NSRP1: variants seen among roughly 807,000 people sequenced by gnomAD.
The protein encoded by NSRP1 is nuclear speckle splicing regulatory protein 1, also known as coiled-coil domain containing 55.
In NSRP1, 24 loss-of-function variants were observed where a neutral mutation model predicts 54.7. The observed-to-expected ratio is 0.44, with a 90% CI of 0.32 to 0.62. The LOEUF is 0.62. NSRP1 is among the 20% of genes least tolerant of loss of function. NSRP1 has a pLI of 0.06. For synonymous variants in NSRP1, 210 were observed against 213.8 expected (o/e 0.98, Z 0.15); for missense variants, 596 against 651.2 (o/e 0.92, Z 0.92).
At chr17:30,154,858 T>G (rs1160478282) in intron 2 of NSRP1, among the ~76,000 whole-genome samples, 1 of 152,218 alleles carries the variant, frequency 6.6e-6, no homozygotes. Context: ...AAATGCTTCT[T>G]TGAGCATACT....
chr17:30,117,409 G>A, intron 1 of NSRP1: 1 of 459,762 alleles, frequency 2.2e-6, no homozygotes, highest in East Asian at 3.3e-5. Context: ...TTTTACCTTT[G>A]ATGTGTAATC....
intron 3 of NSRP1, 72 bp downstream of exon 3, chr17:30,172,670 T>C: frequency 7.9e-7 from 1 of 1,260,136 alleles, no homozygotes; most frequent in Non-Finnish European, 1.1e-6. Context: ...AGTTTTGGTA[T>C]CTAGGTGCTG....
At chr17:30,163,493 A>AT (rs935433236) in intron 2 of NSRP1, among the ~76,000 whole-genome samples, 9 of 151,986 alleles carry the variant, frequency 5.9e-5, no homozygotes, top group African/African-American at 2.2e-4. Flanking sequence ...AACGGTAAAG[A>AT]TTTTTTATTT....
intron 2 of NSRP1, among the ~76,000 whole-genome samples, chr17:30,127,157 A>T (rs993610404): frequency 1.3e-5 from 2 of 152,342 alleles, no homozygotes; most frequent in Non-Finnish European, 2.9e-5. Context: ...GATTGTTCTC[A>T]AAAGTATTTT....
intron 2 of NSRP1, among the ~76,000 whole-genome samples, chr17:30,143,094 T>C (rs2071821018): frequency 6.6e-6 from 1 of 152,206 alleles, no homozygotes; most frequent in Admixed American, 6.5e-5. Context: ...TGCTTCCATA[T>C]ACTGACAGGC....
At chr17:30,177,913 C>A in intron 3 of NSRP1, 158 bp from the exon 4 acceptor site, 1 of 847,280 alleles carries the variant, frequency 1.2e-6, no homozygotes, top group Non-Finnish European at 1.9e-6. Context: ...CATACCCAGG[C>A]AGCCTGGCTC....
intron 2 of NSRP1, among the ~76,000 whole-genome samples, chr17:30,152,423 ATTTT>A (rs200742872): frequency 7.6e-6 from 1 of 132,130 alleles, no homozygotes; most frequent in Admixed American, 7.7e-5. Flanking sequence ...CAGCCTAAGA[ATTTT>A]TTTTTTTTTT....
intron 2 of NSRP1, among the ~76,000 whole-genome samples, chr17:30,151,522 G>A (rs548621546): frequency 6.6e-6 from 1 of 152,266 alleles, no homozygotes; most frequent in African/African-American, 2.4e-5. Flanking sequence ...TATTTATTAA[G>A]TAGAAGTGGA....
At chr17:30,126,415 A>G (rs1053360800) in intron 2 of NSRP1, among the ~76,000 whole-genome samples, 5 of 152,116 alleles carry the variant, frequency 3.3e-5, no homozygotes, top group African/African-American at 9.7e-5. Flanking sequence ...CTTTCAAGAT[A>G]CCTTCTTTGA....
chr17:30,180,777 T>C lies in NSRP1; in HGVS notation c.509-131T>C, dbSNP rs1905265649. ...ATGAAAACAGGCAACAGGCCAGATT[T>C]GGCCTGCAGTTTGCCAACTCCTGAT... On this transcript the variant is annotated intron_variant, in intron 5 of 6. Coordinates refer to ENST00000247026, the MANE Select transcript of NSRP1 (RefSeq NM_032141.4). 10 of 586,230 alleles carry C rather than the reference T, an allele frequency of 1.7e-5. No homozygotes were observed. The South Asian group carries it at 2.2e-4, about 13-fold the overall frequency. The allele number at this position is 586,230 out of a possible 1,614,324, so 36.3% of individuals were successfully genotyped here.
At chr17:30,175,421 T>C (rs1202162816) in intron 3 of NSRP1, among the ~76,000 whole-genome samples, 1 of 152,002 alleles carries the variant, frequency 6.6e-6, no homozygotes, top group Non-Finnish European at 1.5e-5. Context: ...TTTTGTTTTG[T>C]TTTGTTTTGT....
intron 2 of NSRP1, among the ~76,000 whole-genome samples, chr17:30,139,265 G>A (rs1334080608): frequency 6.6e-6 from 1 of 151,954 alleles, no homozygotes; most frequent in African/African-American, 2.4e-5. Flanking sequence ...TGAGTTGTAG[G>A]AGTTCTTTTT....
At chr17:30,135,754 G>A (rs1015649902) in intron 2 of NSRP1, among the ~76,000 whole-genome samples, 1 of 151,956 alleles carries the variant, frequency 6.6e-6, no homozygotes, top group Admixed American at 6.6e-5. Context: ...ACAGGCGTGA[G>A]CCACCATGCC....
intron 2 of NSRP1, among the ~76,000 whole-genome samples, chr17:30,137,677 A>G (rs2071762242): frequency 6.6e-6 from 1 of 152,238 alleles, no homozygotes; most frequent in Admixed American, 6.5e-5. Flanking sequence ...CATTTTAATT[A>G]GGGATTGAAT....
At chr17:30,176,499 A>G (rs1905129829) in intron 3 of NSRP1, among the ~76,000 whole-genome samples, 1 of 151,602 alleles carries the variant, frequency 6.6e-6, no homozygotes, top group Non-Finnish European at 1.5e-5. Flanking sequence ...AATCCTAGCT[A>G]CTCAGGAGGC....
intron 2 of NSRP1, among the ~76,000 whole-genome samples, chr17:30,149,612 C>G (rs1449924705): frequency 6.6e-6 from 1 of 152,040 alleles, no homozygotes; most frequent in Non-Finnish European, 1.5e-5. Context: ...AGGAGGATTG[C>G]TTGAGCCCAG....
At chr17:30,123,317 T>G (rs2071620905) in intron 2 of NSRP1, among the ~76,000 whole-genome samples, 1 of 152,026 alleles carries the variant, frequency 6.6e-6, no homozygotes, top group Non-Finnish European at 1.5e-5. Context: ...GGGGTTTCAC[T>G]ATGTTGGCCA....
At chr17:30,181,331 G>A (rs1054201540) in intron 6 of NSRP1, among the ~76,000 whole-genome samples, 19 of 151,846 alleles carry the variant, frequency 1.3e-4, no homozygotes, top group African/African-American at 4.6e-4. Context: ...AGTGATTTAT[G>A]GGTCTTAACA....
chr17:30,172,461 G>A (rs936949113), intron 2 of NSRP1, 81 bp from the exon 3 acceptor site: 10 of 1,035,440 alleles, frequency 9.7e-6, no homozygotes, highest in Non-Finnish European at 1.3e-5. Flanking sequence ...CTGGTCCCAT[G>A]TATTTTAGAT....
Sources: gnomAD v4.1 joint callset for allele counts (sites outside exome capture counted in the v4.1 genomes callset) on GRCh38, gnomAD v4.1.1 for gene constraint, MANE v1.5 for transcripts, NCBI Gene and HGNC (gene_info 2026-07-23, HGNC 2026-07-21) for gene names.